Variants in LINGO1 observed in about 807,000 individuals in gnomAD.
LINGO1 encodes the protein leucine-rich repeat and immunoglobulin-like domain-containing nogo receptor-interacting protein 1.
LINGO1 carries 11 observed loss-of-function variants against 37.3 expected under a neutral mutation model. The ratio of observed to expected loss-of-function variants is 0.29; its 90% CI spans 0.19 to 0.49. The LOEUF (loss-of-function observed/expected upper bound fraction) is 0.49, where lower values mean the gene tolerates loss of function less well. Ranked by LOEUF, LINGO1 falls within the 20% of genes least tolerant of loss-of-function variation. The pLI, the probability that LINGO1 is intolerant of heterozygous loss-of-function variation, is 0.99. For missense variants in LINGO1, 585 were observed against 878.2 expected, an observed-to-expected ratio of 0.67 and a Z score of 4.22; for synonymous variants, 387 against 403.0, an observed-to-expected ratio of 0.96 and a Z score of 0.48.
chr15:77,675,584 A>G (rs1416326379), intron 3 of LINGO1, among the ~76,000 whole-genome samples: 1 of 152,208 alleles, frequency 6.6e-6, no homozygotes. Flanking sequence ...CATAGAAAAA[A>G]GTGTGGAAGG....
At chr15:77,621,055 G>A (rs1311260928) in intron 1 of LINGO1, among the ~76,000 whole-genome samples, 2 of 140,008 alleles carry the variant, frequency 1.4e-5, no homozygotes, top group African/African-American at 6.3e-5. Flanking sequence ...CCAGGTTTGG[G>A]GCCTTTTTTT....
In LINGO1 at chr15:77,719,544, A is replaced by G. The variant is rs1261505910; in HGVS notation, c.-195+15448T>C. 4.7e-5 allele frequency among the ~76,000 whole-genome samples: 7 copies of G among 149,030 alleles called. 1 individual carries two copies. Among genetic ancestry groups the G allele is most frequent in the African/African-American group, 1.5e-4 (6 of 41,012 alleles). ...CACACGGGGGCAGCCACCACGCAGC[A>G]CTCGGCTCCTGCCGGCATATGCTTG... is the stretch of plus-strand genomic sequence containing the variant. On this transcript the variant is annotated intron_variant, in intron 2 of 3. Coordinates refer to the LINGO1 transcript ENST00000561686.
intron 2 of LINGO1, among the ~76,000 whole-genome samples, chr15:77,717,873 A>G (rs1458846446): frequency 6.6e-6 from 1 of 150,854 alleles, no homozygotes; most frequent in African/African-American, 2.4e-5. Context: ...GAGGGGCCCA[A>G]GGGGGCCCGA....
At chr15:77,767,508 A>G (rs905795003) in intron 1 of LINGO1, among the ~76,000 whole-genome samples, 4 of 152,206 alleles carry the variant, frequency 2.6e-5, no homozygotes, top group Non-Finnish European at 5.9e-5. Context: ...CCAGGGAGCA[A>G]GAGGGTCAAT....
chr15:77,774,248 C>T (rs914827322), intron 1 of LINGO1, among the ~76,000 whole-genome samples: 3 of 152,050 alleles, frequency 2.0e-5, no homozygotes, highest in African/African-American at 7.3e-5. Flanking sequence ...GGTCTTCATT[C>T]ACATCAAACA....
chr15:77,770,386 G>A (rs1183835844), intron 1 of LINGO1, among the ~76,000 whole-genome samples: 3 of 152,042 alleles, frequency 2.0e-5, no homozygotes, highest in Non-Finnish European at 2.9e-5. Context: ...TCAGGAGTTC[G>A]AGACCAGCCT....
At chr15:77,764,163 C>T (rs1422346541) in intron 1 of LINGO1, among the ~76,000 whole-genome samples, 4 of 152,348 alleles carry the variant, frequency 2.6e-5, no homozygotes, top group East Asian at 1.9e-4. Flanking sequence ...ATCCCCACTC[C>T]GTCTGCGTTC....
In LINGO1 at chr15:77,777,961, G is replaced by C. The variant is rs1052291163; in HGVS notation, c.-257+8908C>G. Among the ~76,000 whole-genome samples, 5 of 149,362 alleles carry C rather than the reference G, an allele frequency of 3.3e-5. No homozygotes were observed. In the East Asian group the frequency reaches 8.1e-4, roughly 24 times the overall value. ...GAAGGAAGGAAGGAATGAAGGAAGGGAGGGAGGGAGGGAGTAAGGGAGTGA... is the reference window on the plus strand; with the variant it reads ...GAAGGAAGGAAGGAATGAAGGAAGGCAGGGAGGGAGGGAGTAAGGGAGTGA... On this transcript the variant is annotated intron_variant, in intron 1 of 3. Transcript: ENST00000561686.
At chr15:77,741,824 T>A (rs1453209704) in intron 1 of LINGO1, among the ~76,000 whole-genome samples, 1 of 151,970 alleles carries the variant, frequency 6.6e-6, no homozygotes, top group Non-Finnish European at 1.5e-5. Flanking sequence ...CCATACATAC[T>A]CAGAAAGCCT....
At chr15:77,686,881 C>T (rs1469041637) in intron 2 of LINGO1, among the ~76,000 whole-genome samples, 4 of 152,230 alleles carry the variant, frequency 2.6e-5, no homozygotes, top group Non-Finnish European at 5.9e-5. Context: ...CTTGTGCCCC[C>T]ACTAGCCCTG....
chr15:77,760,489 C>A (rs570558669), intron 1 of LINGO1, among the ~76,000 whole-genome samples: 1 of 152,226 alleles, frequency 6.6e-6, no homozygotes, highest in Non-Finnish European at 1.5e-5. Context: ...ATCTGGATTT[C>A]TGGTTTCTCT....
chr15:77,768,891 G>C (rs2076556322), intron 1 of LINGO1, among the ~76,000 whole-genome samples: 1 of 152,154 alleles, frequency 6.6e-6, no homozygotes, highest in African/African-American at 2.4e-5. Flanking sequence ...GGGCAGCAGG[G>C]GTGTGGCCAC....
At chr15:77,819,839 A>C (rs866009278) in intron 1 of LINGO1, among the ~76,000 whole-genome samples, 24 of 149,688 alleles carry the variant, frequency 1.6e-4, no homozygotes. Flanking sequence ...GGCTTCTCGC[A>C]CTCCCGCGGG....
chr15:77,628,552 T>C (rs1026694859), intron 1 of LINGO1, among the ~76,000 whole-genome samples: 1 of 152,194 alleles, frequency 6.6e-6, no homozygotes, highest in Non-Finnish European at 1.5e-5. Flanking sequence ...AGGCAAGGGA[T>C]TGTGAAATAC....
At position 77,718,437 on chromosome 15, in the gene LINGO1, C is replaced by T. The variant is rs138028415; in HGVS notation, c.-195+16555G>A. ...ACACGTGTCAACATGCACACCTGGA[C>T]GAGCTCACACACGCCCATGTGTGTA... On this transcript the variant is annotated intron_variant, in intron 2 of 3. Transcript: ENST00000561686. 2.0e-3 allele frequency among the ~76,000 whole-genome samples: 298 copies of T among 151,104 alleles called. 19 individuals carry two copies. Among genetic ancestry groups the T allele is most frequent in the Middle Eastern group, 6.8e-3 (2 of 294 alleles).
intron 2 of LINGO1, among the ~76,000 whole-genome samples, chr15:77,723,519 A>G (rs1042164140): frequency 2.6e-5 from 4 of 152,116 alleles, no homozygotes; most frequent in African/African-American, 9.7e-5. Context: ...GCGCCTCTCC[A>G]TCAACCCTTA....
chr15:77,691,806 C>G (rs1032658840), intron 1 of LINGO1, among the ~76,000 whole-genome samples: 4 of 151,960 alleles, frequency 2.6e-5, no homozygotes, highest in Non-Finnish European at 4.4e-5. Flanking sequence ...CCGGTAGTGA[C>G]GCTGAGTAAT....
intron 1 of LINGO1, among the ~76,000 whole-genome samples, chr15:77,802,143 C>T (rs576286290): frequency 1.3e-5 from 2 of 152,016 alleles, no homozygotes; most frequent in African/African-American, 2.4e-5. Flanking sequence ...CCATGGGGTG[C>T]GTGGAGGTGA....
rs774494605 is a variant in LINGO1, at chr15:77,664,130, A to AGTGTGTGTGTGT, written c.-13+12947_-13+12958dup. Reference sequence around the variant, plus strand: ...TTCCTCTCTTCTGCCACACAGGAGCAGTGTGTGTGTGTGTGTGTGTGTGTG... The same window carrying AGTGTGTGTGTGT: ...TTCCTCTCTTCTGCCACACAGGAGCAGTGTGTGTGTGTGTGTGTGTGTGTGTGTGTGTGTGTG... On this transcript the variant is annotated intron_variant, in intron 3 of 3. Transcript: ENST00000559893. Among the ~76,000 whole-genome samples the AGTGTGTGTGTGT allele has an allele frequency of 3.0e-3, 391 of 130,350 alleles. 1 individual carries two copies. Among genetic ancestry groups the AGTGTGTGTGTGT allele is most frequent in the Admixed American group, 6.0e-3 (82 of 13,572 alleles). 85.5% of individuals were successfully genotyped at this position (130,350 alleles called of 152,430 possible). A position where few individuals can be genotyped will look rare whatever the true frequency, so the allele number is the denominator to read the frequency against.
Sources: allele counts gnomAD v4.1 joint callset (sites outside exome capture counted in the v4.1 genomes callset), GRCh38; gene constraint gnomAD v4.1.1; transcripts MANE v1.5; gene names NCBI Gene and HGNC (gene_info 2026-07-23, HGNC 2026-07-21).